Variants in WDR17 observed in about 807,000 individuals in gnomAD.
WDR17 encodes the protein WD repeat-containing protein 17.
In WDR17, 143 loss-of-function variants were observed where a neutral mutation model predicts 161.7. The observed-to-expected ratio is 0.88, with a 90% confidence interval of 0.77 to 1.02. The LOEUF is 1.02. Among genes scored for constraint, WDR17 ranks in the 50% least tolerant of loss-of-function variants. The pLI is 0.00. For synonymous variants in WDR17, 517 were observed against 515.6 expected, an observed-to-expected ratio of 1.00 and a Z score of -0.04; for missense variants, 1,469 against 1,520.9, an observed-to-expected ratio of 0.97 and a Z score of 0.57.
At chr4:176,098,263 G>A (rs1218379449) in intron 1 of WDR17, 2 of 155,048 alleles carry the variant, frequency 1.3e-5, no homozygotes, top group African/African-American at 2.4e-5. Flanking sequence ...CAACTGAAGT[G>A]TGTTGTTCCT....
At chr4:176,093,053 G>T (rs935365866) in intron 1 of WDR17, among the ~76,000 whole-genome samples, 3 of 151,660 alleles carry the variant, frequency 2.0e-5, no homozygotes, top group Non-Finnish European at 4.4e-5. Flanking sequence ...AAATAAAAAA[G>T]AAAGAAAAGA....
At chr4:176,179,322 C>T in intron 28 of WDR17, 138 bp from the exon 29 acceptor site, 1 of 1,004,134 alleles carries the variant, frequency 1.0e-6, no homozygotes. Context: ...AACTAATTTT[C>T]TCATAGTCTT....
At position 176,177,520 on chromosome 4, in the gene WDR17, A is replaced by G. The variant is rs1751618097; in HGVS notation, c.3598A>G (p.Ile1200Val). 5.0e-6 allele frequency: 8 copies of G among 1,591,516 alleles called. No homozygotes were observed. The highest frequency in any genetic ancestry group is 1.1e-5 in the South Asian group (1 of 86,972). ...ACCCCCTTCTGATTCACAAAGAATG[A>G]TTTATGCAACTTTATTAAAGAGACT... ...YTPPSDSQRM[I>V]YATLLKRLKE... Residue 1200 changes from isoleucine to valine, a missense_variant, in exon 28 of 29, where the codon ATT becomes GTT. Physicochemically the swap from Ile to Val is conservative, Grantham distance 29 (BLOSUM62 3). Transcript: ENST00000508596.
At chr4:176,130,510 C>T (rs1177660040) in intron 6 of WDR17, among the ~76,000 whole-genome samples, 5 of 151,948 alleles carry the variant, frequency 3.3e-5, no homozygotes, top group Non-Finnish European at 1.5e-5. Context: ...TTCGGGAGGC[C>T]AAGGCGGGCA....
chr4:176,182,011 A>G lies in WDR17; in HGVS notation c.*2432A>G, dbSNP rs550577022. 2.0e-5 allele frequency: 3 copies of G among 152,184 alleles called. No individual in the cohort carries two copies. The highest frequency in any genetic ancestry group is 7.2e-5 in the African/African-American group (3 of 41,570). 9.4% of individuals were successfully genotyped at this position (152,184 alleles called of 1,614,324 possible). A position where few individuals can be genotyped will look rare whatever the true frequency, so the allele number is the denominator to read the frequency against. ...TTATAAATGTCATTTGACTATGTCA[A>G]TCTGTATATATTGTACCTTAATATG... On this transcript the variant is annotated 3_prime_UTR_variant, in exon 29 of 29. Transcript: ENST00000508596. The surrounding 1 kb of genome is among the most constrained non-coding windows in gnomAD (Gnocchi z 4.2).
rs1032907603 is a variant in WDR17 at position 176,179,773 on chromosome 4, G to C, written c.*194G>C. 2 of 262,216 alleles carry C rather than the reference G, an allele frequency of 7.6e-6. No individual in the cohort carries two copies. The highest frequency in any genetic ancestry group is 1.3e-5 in the Non-Finnish European group (2 of 148,934). The allele number at this position is 262,216 out of a possible 1,614,324, so 16.2% of individuals were successfully genotyped here. ...TATATATAATTTAAAGGAAAAATAG[G>C]TGCCTCCTTTATAAACAGTAATAGC... On this transcript the variant is annotated 3_prime_UTR_variant, in exon 29 of 29. Transcript: ENST00000508596.
At chr4:176,120,404 C>T (rs1025266379) in intron 4 of WDR17, among the ~76,000 whole-genome samples, 1 of 149,998 alleles carries the variant, frequency 6.7e-6, no homozygotes, top group African/African-American at 2.5e-5. Context: ...TTAATCAATT[C>T]TTTATTTCTG....
chr4:176,069,541 A>G (rs902046393), intron 1 of WDR17, among the ~76,000 whole-genome samples: 1 of 152,224 alleles, frequency 6.6e-6, no homozygotes, highest in East Asian at 1.9e-4. Context: ...ATAACAGTCA[A>G]TACTTGTTTT....
At chr4:176,083,245 G>T (rs923761912) in intron 1 of WDR17, among the ~76,000 whole-genome samples, 2 of 151,978 alleles carry the variant, frequency 1.3e-5, no homozygotes, top group Non-Finnish European at 2.9e-5. Flanking sequence ...TCAGGAGATG[G>T]GGGCTGAGTA....
chr4:176,136,144 C>T (rs1002941657), intron 8 of WDR17, among the ~76,000 whole-genome samples: 6 of 151,444 alleles, frequency 4.0e-5, no homozygotes, highest in African/African-American at 9.7e-5. Context: ...TTTCATGATA[C>T]GAAAAAGGTT....
intron 1 of WDR17, among the ~76,000 whole-genome samples, chr4:176,098,762 G>GAA (rs1737310062): frequency 6.6e-6 from 1 of 151,714 alleles, no homozygotes; most frequent in Non-Finnish European, 1.5e-5. Flanking sequence ...ATTCAATAAT[G>GAA]TATGATATGC....
At chr4:176,079,937 A>T (rs1398919435) in intron 1 of WDR17, among the ~76,000 whole-genome samples, 1 of 152,018 alleles carries the variant, frequency 6.6e-6, no homozygotes, top group Non-Finnish European at 1.5e-5. Context: ...ATAACCTGCT[A>T]ACCCATTGAG....
At chr4:176,122,701 C>T (rs774369945) in intron 4 of WDR17, among the ~76,000 whole-genome samples, 3 of 152,172 alleles carry the variant, frequency 2.0e-5, no homozygotes, top group Non-Finnish European at 2.9e-5. Flanking sequence ...TCTATACCTA[C>T]GTTACAACAT....
chr4:176,154,249 G>T (rs536894442), intron 17 of WDR17, among the ~76,000 whole-genome samples: 1 of 152,238 alleles, frequency 6.6e-6, no homozygotes, highest in Non-Finnish European at 1.5e-5. Context: ...GGGAGGCTGA[G>T]GCAGGTGGAT....
intron 28 of WDR17, 135 bp downstream of exon 28, chr4:176,177,789 CT>C: frequency 1.3e-6 from 1 of 766,970 alleles, no homozygotes; most frequent in Non-Finnish European, 2.0e-6. Flanking sequence ...AATATTACCT[CT>C]AGTGCTTCCA....
intron 1 of WDR17, among the ~76,000 whole-genome samples, chr4:176,076,514 T>C (rs542498067): frequency 1.3e-5 from 2 of 150,796 alleles, no homozygotes; most frequent in East Asian, 3.9e-4. Flanking sequence ...TAGTTTGAGG[T>C]TTCATTCCTT....
intron 12 of WDR17, among the ~76,000 whole-genome samples, chr4:176,147,156 C>T (rs1407179956): frequency 2.0e-5 from 3 of 151,984 alleles, no homozygotes; most frequent in Non-Finnish European, 4.4e-5. Context: ...TGAGCCCCTG[C>T]GCCTGGCCGA....
intron 1 of WDR17, among the ~76,000 whole-genome samples, chr4:176,082,475 C>T (rs148980332): frequency 2.9e-4 from 44 of 152,038 alleles, no homozygotes; most frequent in African/African-American, 8.7e-4. Context: ...GCTGCATAAC[C>T]GAGAAATGCA....
At position 176,152,468 on chromosome 4, in the gene WDR17, G is replaced by A. The variant is rs571801200; in HGVS notation, c.2460+501G>A. 5.3e-5 allele frequency among the ~76,000 whole-genome samples: 8 copies of A among 151,212 alleles called. No individual in the cohort carries two copies. In the East Asian group the frequency reaches 5.9e-4, roughly 11 times the overall value. ...AAAACAAAAACAAAACTAGCCAGGC[G>A]TGTGGCACGCACCTCTAGTCCCAGC... On this transcript the variant is annotated intron_variant, in intron 17 of 28. Coordinates refer to ENST00000508596, the MANE Select transcript of WDR17 (RefSeq NM_181265.4).
Sources: gnomAD v4.1 joint callset for allele counts (sites outside exome capture counted in the v4.1 genomes callset) on GRCh38, gnomAD v4.1.1 for gene constraint, Gnocchi (gnomAD v3.1) non-coding constraint, MANE v1.5 for transcripts, NCBI Gene and HGNC (gene_info 2026-07-23, HGNC 2026-07-21) for gene names.